Variants in C19orf44 observed in about 807,000 individuals in gnomAD.
C19orf44 encodes chromosome 19 open reading frame 44, also known as uncharacterized protein C19orf44.
A neutral mutation model predicts 50.7 loss-of-function variants in C19orf44; 43 were observed. The ratio of observed to expected loss-of-function variants is 0.85; its 90% CI spans 0.66 to 1.09. The LOEUF is 1.09. C19orf44 is among the 50% of genes least tolerant of loss of function. The pLI is 0.00. For synonymous variants in C19orf44, 298 were observed against 334.7 expected, an observed-to-expected ratio of 0.89 and a Z score of 1.20; for missense variants, 722 against 836.2, an observed-to-expected ratio of 0.86 and a Z score of 1.68.
chr19:16,513,129 G>T lies in C19orf44; in HGVS notation c.1735+20G>T. 1.2e-6 allele frequency: 2 copies of T among 1,609,734 alleles called. No homozygotes were observed. Among genetic ancestry groups the T allele is most frequent in the Non-Finnish European group, 8.5e-7 (1 of 1,176,722 alleles). ...TAGAAGGTAACAGCCCGGCTCGGGG[G>T]ATCCTTCCTGTCACATTTTACAGGA... On this transcript the variant is annotated intron_variant, in intron 6 of 8. Transcript: ENST00000221671.
At chr19:16,516,334 C>T (rs1314877958) in intron 7 of C19orf44, among the ~76,000 whole-genome samples, 1 of 152,072 alleles carries the variant, frequency 6.6e-6, no homozygotes, top group Non-Finnish European at 1.5e-5. Context: ...AGTCCCAGCT[C>T]TCTGGGAGGC....
rs775906857 is a variant in C19orf44, at chr19:16,519,596, C to A, written c.*41-498C>A. On this transcript the variant is annotated intron_variant, in intron 8 of 8. Coordinates refer to ENST00000221671, the MANE Select transcript of C19orf44 (RefSeq NM_032207.4). The surrounding 1 kb of genome is among the most constrained non-coding windows in gnomAD (Gnocchi z 6.0). ...CCAGCACGCGTGAGGACCCATCCCGCGCCCTCCCCATTCCCTCGCCTTACC... is the reference window on the plus strand; with the variant it reads ...CCAGCACGCGTGAGGACCCATCCCGAGCCCTCCCCATTCCCTCGCCTTACC... 2.5e-6 allele frequency: 4 copies of A among 1,587,810 alleles called. No homozygotes were observed. Among genetic ancestry groups the A allele is most frequent in the African/African-American group, 1.3e-5 (1 of 74,374 alleles).
rs777127184 is a variant in C19orf44, at chr19:16,503,068, C to T, written c.763C>T (p.Pro255Ser). 1.9e-6 allele frequency: 3 copies of T among 1,609,386 alleles called. No homozygotes were observed. Among genetic ancestry groups the T allele is most frequent in the South Asian group, 2.2e-5 (2 of 90,990 alleles). ...EEEERKLFSV[P>S]SQLRAFTVPS... The stretch of plus-strand genomic sequence containing the variant: ...AATTTCAAGTGTTTTATATCAGGTC[C>T]CATCTCAACTGAGAGCATTTACTGT... The change falls in exon 3 of 9, where the codon CCA becomes TCA. Residue 255 changes from proline (P) to serine (S), a missense_variant. Physicochemically the swap from Pro to Ser is moderately conservative, Grantham distance 74. Transcript: ENST00000221671.
intron 1 of C19orf44, among the ~76,000 whole-genome samples, chr19:16,497,480 A>G (rs1246323870): frequency 6.7e-6 from 1 of 149,212 alleles, no homozygotes; most frequent in Admixed American, 6.8e-5. Context: ...CGTCCTGAGT[A>G]TTTGGGATTA....
chr19:16,508,051 C>A (rs1424684191), intron 4 of C19orf44, among the ~76,000 whole-genome samples: 4 of 151,126 alleles, frequency 2.6e-5, no homozygotes, highest in Non-Finnish European at 5.9e-5. Context: ...GTGATCCGCC[C>A]GCCTCGGCCT....
intron 7 of C19orf44, among the ~76,000 whole-genome samples, chr19:16,515,482 T>A (rs868000706): frequency 6.6e-6 from 1 of 152,236 alleles, no homozygotes; most frequent in African/African-American, 2.4e-5. Flanking sequence ...CAAGCTGATA[T>A]ATATACTCCT....
rs751380535 is a variant in C19orf44, at chr19:16,520,102, C to G, written c.*49C>G. On this transcript the variant is annotated 3_prime_UTR_variant, in exon 9 of 9. Coordinates refer to ENST00000221671, the MANE Select transcript of C19orf44 (RefSeq NM_032207.4). This position sits in a 1 kb window ranked among gnomAD's most constrained non-coding sequence, Gnocchi z 4.0. Reference sequence around the variant, plus strand: ...TGTTTCCACATTCACAGCAAAGCACCGCAGCTTCCCAGAGTTACCAGCGCA... The same window carrying G: ...TGTTTCCACATTCACAGCAAAGCACGGCAGCTTCCCAGAGTTACCAGCGCA... The G allele has an allele frequency of 4.4e-5, 69 of 1,574,402 alleles. 1 individual carries two copies. The South Asian group carries it at 5.9e-4, about 13-fold the overall frequency.
At chr19:16,511,544 C>G (rs1434016956) in intron 5 of C19orf44, among the ~76,000 whole-genome samples, 1 of 151,932 alleles carries the variant, frequency 6.6e-6, no homozygotes, top group Admixed American at 6.6e-5. Context: ...TGGAAAGGCC[C>G]CATTCTTTTA....
intron 8 of C19orf44, 88 bp downstream of exon 8, chr19:16,517,429 A>G (rs2085551130): frequency 1.1e-5 from 10 of 915,710 alleles, no homozygotes; most frequent in Middle Eastern, 2.2e-4. Context: ...TGGTGGGGGC[A>G]GGTGGTACTG....
At chr19:16,506,656 A>T in intron 3 of C19orf44, 45 bp from the exon 4 acceptor site, 2 of 1,288,082 alleles carry the variant, frequency 1.6e-6, no homozygotes, top group South Asian at 2.8e-5. Flanking sequence ...TATGGAGTAA[A>T]TAAGAGAGTA....
chr19:16,496,493 T>G, intron 1 of C19orf44, 28 bp downstream of exon 1: 2 of 326,414 alleles, frequency 6.1e-6, no homozygotes, highest in Non-Finnish European at 1.2e-5. Flanking sequence ...GGAGGTGACC[T>G]AGCTGGGCGT....
In C19orf44 at chr19:16,506,816, G is replaced by C. The variant is rs374091123; in HGVS notation, c.1149+42G>C. On this transcript the variant is annotated intron_variant, in intron 4 of 8. Coordinates refer to ENST00000221671, the MANE Select transcript of C19orf44 (RefSeq NM_032207.4). Reference sequence around the variant, plus strand: ...CATTTTTCATGGTCGATTGTTTTTGGCTTCAACATTTTTTTTTTTAAATTT... The same window carrying C: ...CATTTTTCATGGTCGATTGTTTTTGCCTTCAACATTTTTTTTTTTAAATTT... 1.5e-5 allele frequency: 22 copies of C among 1,441,958 alleles called. No homozygotes were observed. The African/African-American group carries it at 2.9e-4, about 19-fold the overall frequency. The allele number at this position is 1,441,958 out of a possible 1,614,324, so 89.3% of individuals were successfully genotyped here. A position where few individuals can be genotyped will look rare whatever the true frequency, so the allele number is the denominator to read the frequency against.
intron 2 of C19orf44, among the ~76,000 whole-genome samples, chr19:16,501,912 A>ATTTT (rs35232665): frequency 8.6e-6 from 1 of 116,316 alleles, no homozygotes; most frequent in Non-Finnish European, 1.9e-5. Flanking sequence ...ACTTTTTTGT[A>ATTTT]TTTTTTTTTT....
In C19orf44 at chr19:16,520,435, G is replaced by A. The variant is rs1168213690; in HGVS notation, c.*382G>A. 27 of 1,614,008 alleles carry A rather than the reference G, an allele frequency of 1.7e-5. No individual in the cohort carries two copies. Among genetic ancestry groups the A allele is most frequent in the Non-Finnish European group, 2.3e-5 (27 of 1,180,016 alleles). ...ACCTTGAGTACGAGCCTGAAGACTTGGAGGATCTTGAGTTGGAGCGGGAGG... is the reference window on the plus strand; with the variant it reads ...ACCTTGAGTACGAGCCTGAAGACTTAGAGGATCTTGAGTTGGAGCGGGAGG... On this transcript the variant is annotated 3_prime_UTR_variant, in exon 9 of 9. Transcript: ENST00000221671. This position sits in a 1 kb window ranked among gnomAD's most constrained non-coding sequence, Gnocchi z 4.0.
At position 16,519,929 on chromosome 19, in the gene C19orf44, G is replaced by C; in HGVS notation, c.*41-165G>C. 1 of 657,888 alleles carries C rather than the reference G, an allele frequency of 1.5e-6. No individual in the cohort carries two copies. Among genetic ancestry groups the C allele is most frequent in the African/African-American group, 1.8e-5 (1 of 55,174 alleles). The allele number at this position is 657,888 out of a possible 1,614,324, so 40.8% of individuals were successfully genotyped here. On this transcript the variant is annotated intron_variant, in intron 8 of 8. Transcript: ENST00000221671. The surrounding 1 kb of genome is among the most constrained non-coding windows in gnomAD (Gnocchi z 6.0). ...CACCCCACGCTCAGCATTGAGAGCA[G>C]GACACCTCCAACCCAGATGGTGGTT...
rs200982019 is a variant in C19orf44 at position 16,509,803 on chromosome 19, C to T, written c.1454C>T (p.Ala485Val). 6.2e-7 allele frequency: 1 copy of T among 1,614,282 alleles called. No homozygotes were observed. Among genetic ancestry groups the T allele is most frequent in the East Asian group, 2.2e-5 (1 of 44,894 alleles). Residue 485 changes from alanine (A) to valine (V), a missense_variant, in exon 5 of 9, where the codon GCC (alanine) becomes GTC (valine). Coordinates refer to ENST00000221671, the MANE Select transcript of C19orf44 (RefSeq NM_032207.4). ...AGTCTGACAGCATCTGAGCCAACCG[C>T]CCATTCCAAGGAGTCTCTTGACAGA... ...SPSLTASEPT[A>V]HSKESLDRTL...
In C19orf44 at chr19:16,501,142, A is replaced by G. The variant is rs781556993; in HGVS notation, c.350A>G (p.Glu117Gly). 6.2e-7 allele frequency: 1 copy of G among 1,614,106 alleles called. No individual in the cohort carries two copies. Among genetic ancestry groups the G allele is most frequent in the Non-Finnish European group, 8.5e-7 (1 of 1,180,024 alleles). Reference protein sequence around the residue: ...RKLQRNLSDTESDSMTADAGL... With the variant: ...RKLQRNLSDTGSDSMTADAGL... The stretch of plus-strand genomic sequence containing the variant: ...CTGCAGAGGAATTTGTCTGACACGG[A>G]ATCTGACTCAATGACCGCCGATGCT... The change falls in exon 2 of 9, where the codon GAA becomes GGA. Residue 117 changes from glutamate to glycine, a missense_variant. Glu to Gly is a moderately conservative substitution (Grantham distance 98). Transcript: ENST00000221671.
intron 5 of C19orf44, among the ~76,000 whole-genome samples, chr19:16,511,099 C>T (rs567187192): frequency 3.1e-4 from 47 of 150,874 alleles, no homozygotes; most frequent in African/African-American, 1.1e-3. Flanking sequence ...TGTAGTGGTG[C>T]GATCTTGGCT....
At position 16,520,480 on chromosome 19, in the gene C19orf44, G is replaced by C. The variant is rs764036184; in HGVS notation, c.*427G>C. The C allele has an allele frequency of 4.3e-6, 7 of 1,613,914 alleles. No individual in the cohort carries two copies. Among genetic ancestry groups the C allele is most frequent in the Admixed American group, 1.7e-5 (1 of 59,990 alleles). ...GGGAGGAAGAACGCCCTCGACTCTT[G>C]GATCTGCTCCGAGACCTCGAGGGTC... On this transcript the variant is annotated 3_prime_UTR_variant, in exon 9 of 9. Transcript: ENST00000221671. This position sits in a 1 kb window ranked among gnomAD's most constrained non-coding sequence, Gnocchi z 4.0.
Sources: allele counts gnomAD v4.1 joint callset (sites outside exome capture counted in the v4.1 genomes callset), GRCh38; gene constraint gnomAD v4.1.1; non-coding constraint Gnocchi (gnomAD v3.1); transcripts MANE v1.5; gene names NCBI Gene and HGNC (gene_info 2026-07-23, HGNC 2026-07-21).